ARL15: variants seen among roughly 807,000 people sequenced by gnomAD.
The protein encoded by ARL15 is ADP-ribosylation factor-like protein 15.
In ARL15, 19 loss-of-function variants were observed where a neutral mutation model predicts 25.2. The observed-to-expected ratio is 0.75, with a 90% CI of 0.53 to 1.10. The LOEUF is 1.10. ARL15 is among the 50% of genes least tolerant of loss of function. The pLI, the probability that ARL15 is intolerant of heterozygous loss-of-function variation, is 0.00. For missense variants in ARL15, 220 were observed against 246.0 expected, an observed-to-expected ratio of 0.89 and a Z score of 0.71; for synonymous variants, 94 against 86.8, an observed-to-expected ratio of 1.08 and a Z score of -0.46.
intron 4 of ARL15, among the ~76,000 whole-genome samples, chr5:53,988,238 T>A (rs1372732266): frequency 6.6e-6 from 1 of 151,046 alleles, no homozygotes; most frequent in East Asian, 1.9e-4. Context: ...CTAGCTAGGC[T>A]GCAGTGAACC....
At chr5:54,219,349 G>A (rs181576402) in intron 1 of ARL15, among the ~76,000 whole-genome samples, 13 of 152,216 alleles carry the variant, frequency 8.5e-5, no homozygotes, top group Admixed American at 1.3e-4. Flanking sequence ...GCCATATATA[G>A]AAGATCAGGG....
At chr5:54,222,330 C>T (rs1486269860) in intron 1 of ARL15, among the ~76,000 whole-genome samples, 1 of 152,104 alleles carries the variant, frequency 6.6e-6, no homozygotes, top group Non-Finnish European at 1.5e-5. Flanking sequence ...AAAAGGAGCC[C>T]CCCAAAACCT....
At chr5:54,258,005 C>T (rs533089758) in intron 1 of ARL15, among the ~76,000 whole-genome samples, 3 of 152,158 alleles carry the variant, frequency 2.0e-5, no homozygotes, top group Non-Finnish European at 2.9e-5. Flanking sequence ...TAGAATCACA[C>T]GGGCTGCTGA....
chr5:54,140,626 A>G (rs917622560), intron 3 of ARL15, among the ~76,000 whole-genome samples: 6 of 152,350 alleles, frequency 3.9e-5, no homozygotes, highest in African/African-American at 1.4e-4. Context: ...TTGGCATATT[A>G]TAAATAGAAC....
In ARL15 at chr5:53,955,642, C is replaced by A. The variant is rs548862805; in HGVS notation, c.463-68929G>T. ...CAGACAAAGGTTTACAGCAACTAAG[C>A]AATGCCGAATCAAGAGTAAGGCAAT... On this transcript the variant is annotated intron_variant, in intron 4 of 4. Transcript: ENST00000504924. Among the ~76,000 whole-genome samples, 129 of 152,274 alleles carry A rather than the reference C, an allele frequency of 8.5e-4. 1 individual carries two copies. The highest frequency in any genetic ancestry group is 1.4e-3 in the Non-Finnish European group (96 of 68,024).
At chr5:54,065,616 C>T (rs912067556) in intron 4 of ARL15, among the ~76,000 whole-genome samples, 10 of 122,244 alleles carry the variant, frequency 8.2e-5, no homozygotes, top group South Asian at 2.5e-4. Context: ...TGCAGTGAGC[C>T]GAGATCACGC....
intron 3 of ARL15, among the ~76,000 whole-genome samples, chr5:54,118,399 T>C (rs1752971613): frequency 6.6e-6 from 1 of 152,278 alleles, no homozygotes; most frequent in South Asian, 2.1e-4. Context: ...TTTCTCACTA[T>C]TTTTTTGTTT....
intron 1 of ARL15, among the ~76,000 whole-genome samples, chr5:54,183,691 G>A (rs1431720013): frequency 6.7e-6 from 1 of 149,638 alleles, no homozygotes; most frequent in Non-Finnish European, 1.5e-5. Context: ...AGTCAGTGTG[G>A]CGATACCTCA....
At chr5:54,267,858 C>A (rs1165196203) in intron 1 of ARL15, among the ~76,000 whole-genome samples, 1 of 151,906 alleles carries the variant, frequency 6.6e-6, no homozygotes, top group Non-Finnish European at 1.5e-5. Flanking sequence ...GATGGGCTTC[C>A]CTTTGTGGGT....
chr5:54,278,424 C>A (rs1757975718), intron 1 of ARL15, among the ~76,000 whole-genome samples: 1 of 152,168 alleles, frequency 6.6e-6, no homozygotes, highest in African/African-American at 2.4e-5. Flanking sequence ...TGAACAGAAC[C>A]AAATGAATGT....
At chr5:54,247,248 T>C (rs934160392) in intron 1 of ARL15, among the ~76,000 whole-genome samples, 7 of 152,070 alleles carry the variant, frequency 4.6e-5, no homozygotes, top group Admixed American at 2.6e-4. Context: ...GAAATTGTTT[T>C]TTAAAACACA....
intron 4 of ARL15, among the ~76,000 whole-genome samples, chr5:54,001,728 C>T (rs1395093579): frequency 1.3e-5 from 2 of 152,302 alleles, no homozygotes; most frequent in Admixed American, 1.3e-4. Flanking sequence ...TTGAATGCTG[C>T]TTCATGCAAT....
chr5:54,075,481 A>G (rs1344127185), intron 4 of ARL15: 1 of 120,644 alleles, frequency 8.3e-6, no homozygotes, highest in Non-Finnish European at 2.0e-5. Context: ...AATAATATAT[A>G]TTCCTTTTTT....
chr5:54,215,027 C>A (rs1325959506), intron 1 of ARL15, among the ~76,000 whole-genome samples: 1 of 152,064 alleles, frequency 6.6e-6, no homozygotes, highest in African/African-American at 2.4e-5. Flanking sequence ...GTTTTTCTTT[C>A]CAACAAGGGC....
chr5:54,264,383 G>A (rs1246574675), intron 1 of ARL15, among the ~76,000 whole-genome samples: 1 of 152,026 alleles, frequency 6.6e-6, no homozygotes, highest in Non-Finnish European at 1.5e-5. Flanking sequence ...TACTTCACTG[G>A]CCTCCCAGCT....
intron 1 of ARL15, among the ~76,000 whole-genome samples, chr5:54,202,948 G>A (rs1181156139): frequency 6.6e-6 from 1 of 152,094 alleles, no homozygotes; most frequent in Non-Finnish European, 1.5e-5. Flanking sequence ...AGAAGTCCTA[G>A]GGAAGCACCA....
chr5:53,957,590 C>A (rs549172215), intron 4 of ARL15, among the ~76,000 whole-genome samples: 2 of 152,188 alleles, frequency 1.3e-5, no homozygotes, highest in South Asian at 4.2e-4. Flanking sequence ...AATCCCAGCA[C>A]TTTGGGTGAA....
At chr5:53,908,484 C>A (rs911284697) in intron 4 of ARL15, among the ~76,000 whole-genome samples, 3 of 152,072 alleles carry the variant, frequency 2.0e-5, no homozygotes, top group Non-Finnish European at 4.4e-5. Flanking sequence ...GGAGGATATG[C>A]ATAGGTAATA....
At chr5:53,955,874 T>C (rs1747133229) in intron 4 of ARL15, among the ~76,000 whole-genome samples, 1 of 152,140 alleles carries the variant, frequency 6.6e-6, no homozygotes, top group African/African-American at 2.4e-5. Context: ...AAGAACTTTG[T>C]TTCACCTAAC....
Sources: allele counts gnomAD v4.1 joint callset (sites outside exome capture counted in the v4.1 genomes callset), GRCh38; gene constraint gnomAD v4.1.1; transcripts MANE v1.5; gene names NCBI Gene and HGNC (gene_info 2026-07-23, HGNC 2026-07-21).